The following TG variants were observed in gnomAD, a reference collection of about 807,000 sequenced individuals.
TG encodes the protein thyroglobulin, also known as thyroid hormones.
TG carries 270 observed loss-of-function variants against 324.7 expected under a neutral mutation model. The ratio of observed to expected loss-of-function variants is 0.83; its 90% CI spans 0.75 to 0.92. The LOEUF is 0.92. Among genes scored for constraint, TG ranks in the 40% least tolerant of loss-of-function variants. TG has a pLI of 0.00. For missense variants in TG, 3,591 were observed against 3,456.4 expected, an observed-to-expected ratio of 1.04 and a Z score of -0.98; for synonymous variants, 1,401 against 1,327.0, an observed-to-expected ratio of 1.06 and a Z score of -1.21.
At chr8:132,975,953 T>A (rs907883997) in intron 34 of TG, among the ~76,000 whole-genome samples, 1 of 152,228 alleles carries the variant, frequency 6.6e-6, no homozygotes, top group Non-Finnish European at 1.5e-5. Flanking sequence ...GTTTTTCAAC[T>A]TTACTGAGTG....
At position 132,976,399 on chromosome 8, in the gene TG, A is replaced by G. The variant is rs115338694; in HGVS notation, c.6199+3658A>G. Among the ~76,000 whole-genome samples the G allele has an allele frequency of 2.8e-3, 430 of 152,364 alleles. 2 individuals carry two copies. Among genetic ancestry groups the G allele is most frequent in the African/African-American group, 0.01 (416 of 41,600 alleles). On this transcript the variant is annotated intron_variant, in intron 34 of 47. Transcript: ENST00000220616. The stretch of plus-strand genomic sequence containing the variant: ...GTCCCACCCATGAGGGCTCTGCCTC[A>G]TAAAGGTTTCACCTCTCATTACTGT...
At chr8:133,061,354 C>G (rs1258787664) in intron 41 of TG, among the ~76,000 whole-genome samples, 1 of 152,174 alleles carries the variant, frequency 6.6e-6, no homozygotes, top group Non-Finnish European at 1.5e-5. Context: ...ACTAATTGAA[C>G]AGTGTTGGGT....
Position 133,063,233 on chromosome 8 carries a change from A to G in TG, c.7240-31811A>G, listed in dbSNP as rs535018672. Among the ~76,000 whole-genome samples, 193 of 121,938 alleles carry G rather than the reference A, an allele frequency of 1.6e-3. 1 individual carries two copies. The highest frequency in any genetic ancestry group is 2.8e-3 in the Non-Finnish European group (162 of 58,036). 80.0% of individuals were successfully genotyped at this position (121,938 alleles called of 152,430 possible). A position where few individuals can be genotyped will look rare whatever the true frequency, so the allele number is the denominator to read the frequency against. ...TGATTGTGCCCAGAACCCCGCCCCC[A>G]TAAGTTCCACCCCTCCAGATGCCAG... On this transcript the variant is annotated intron_variant, in intron 41 of 47. Coordinates refer to ENST00000220616, the MANE Select transcript of TG (RefSeq NM_003235.5).
intron 10 of TG, among the ~76,000 whole-genome samples, chr8:132,889,005 T>A (rs568321311): frequency 4.5e-4 from 68 of 152,362 alleles, no homozygotes; most frequent in Non-Finnish European, 6.2e-4. Context: ...TTGCACAGAA[T>A]GCTGCTAAAT....
chr8:132,871,488 T>C lies in TG; in HGVS notation c.415T>C (p.Trp139Arg), dbSNP rs752171962. The change falls in exon 4 of 48, where the codon TGG becomes CGG. Residue 139 changes from tryptophan to arginine, a missense_variant. Coordinates refer to ENST00000220616, the MANE Select transcript of TG (RefSeq NM_003235.5). ...GTGTGATGTGCAGCAGGTCCAGTGC[T>C]GGTGTGTGGACGCAGAGGGGATGGA... ...VQCDVQQVQC[W>R]CVDAEGMEVY... 6.2e-7 allele frequency: 1 copy of C among 1,614,034 alleles called. No homozygotes were observed. The highest frequency in any genetic ancestry group is 1.3e-5 in the African/African-American group (1 of 74,918).
chr8:132,981,963 T>C (rs1021758291), intron 34 of TG, among the ~76,000 whole-genome samples: 1 of 152,024 alleles, frequency 6.6e-6, no homozygotes, highest in African/African-American at 2.4e-5. Flanking sequence ...CGCAAGGACT[T>C]TGGGACCAGA....
chr8:132,978,912 G>A (rs1196993050), intron 34 of TG, among the ~76,000 whole-genome samples: 3 of 152,188 alleles, frequency 2.0e-5, no homozygotes, highest in East Asian at 1.9e-4. Flanking sequence ...GTGCAGCAGA[G>A]CACCAAAAGG....
intron 41 of TG, among the ~76,000 whole-genome samples, chr8:133,083,070 A>G (rs927783004): frequency 6.6e-6 from 1 of 152,198 alleles, no homozygotes; most frequent in Non-Finnish European, 1.5e-5. Flanking sequence ...TTGCTATAGA[A>G]ATAGTTCTGG....
intron 43 of TG, among the ~76,000 whole-genome samples, chr8:133,103,532 A>G (rs1849521719): frequency 6.6e-6 from 1 of 152,220 alleles, no homozygotes; most frequent in Non-Finnish European, 1.5e-5. Flanking sequence ...ATTGTATTTC[A>G]TGACTGCATT....
At chr8:133,122,776 C>T (rs1360594201) in intron 45 of TG, among the ~76,000 whole-genome samples, 1 of 152,144 alleles carries the variant, frequency 6.6e-6, no homozygotes, top group Non-Finnish European at 1.5e-5. Context: ...ATGTACAATA[C>T]CTGGCAGCTT....
At chr8:132,916,065 C>T (rs547127727) in intron 20 of TG, among the ~76,000 whole-genome samples, 204 of 152,248 alleles carry the variant, frequency 1.3e-3, no homozygotes, top group African/African-American at 4.6e-3. Flanking sequence ...CATGAGGAAC[C>T]GAGGGGCCTA....
intron 26 of TG, 94 bp downstream of exon 26, chr8:132,941,636 G>A (rs997343632): frequency 6.8e-7 from 1 of 1,468,660 alleles, no homozygotes; most frequent in South Asian, 1.2e-5. Flanking sequence ...TGCATGGGGA[G>A]TACAGTGTGA....
chr8:132,867,871 GC>G (rs146507875), intron 1 of TG, among the ~76,000 whole-genome samples: 2,747 of 152,238 alleles, frequency 0.018, 83 homozygotes, highest in African/African-American at 0.062. Context: ...GACTTTCGCT[GC>G]CTGAGACTTG....
At chr8:133,133,052 C>A (rs1852064700) in intron 46 of TG, among the ~76,000 whole-genome samples, 1 of 152,138 alleles carries the variant, frequency 6.6e-6, no homozygotes, top group Non-Finnish European at 1.5e-5. Flanking sequence ...TCTGACATCC[C>A]CTTTATGGGG....
intron 27 of TG, among the ~76,000 whole-genome samples, chr8:132,951,865 G>T (rs1351340955): frequency 2.0e-5 from 3 of 152,174 alleles, no homozygotes; most frequent in African/African-American, 7.2e-5. Flanking sequence ...ACTACAGCGT[G>T]AAGAACTGAT....
At chr8:132,956,427 A>T (rs1826876369) in intron 27 of TG, among the ~76,000 whole-genome samples, 1 of 152,194 alleles carries the variant, frequency 6.6e-6, no homozygotes, top group African/African-American at 2.4e-5. Context: ...AAGATCTCTG[A>T]ATACTGCAAA....
At chr8:133,062,108 G>A (rs533509746) in intron 41 of TG, among the ~76,000 whole-genome samples, 2 of 152,338 alleles carry the variant, frequency 1.3e-5, no homozygotes, top group South Asian at 2.1e-4. Context: ...AAAGTGAAGC[G>A]CAAATCCCAT....
At chr8:132,954,786 G>C (rs992259301) in intron 27 of TG, among the ~76,000 whole-genome samples, 3 of 152,250 alleles carry the variant, frequency 2.0e-5, no homozygotes, top group Admixed American at 6.5e-5. Context: ...TAAGGCATAG[G>C]GACTCAAGGG....
At chr8:133,052,630 T>C (rs908030846) in intron 41 of TG, among the ~76,000 whole-genome samples, 2 of 152,192 alleles carry the variant, frequency 1.3e-5, no homozygotes, top group Non-Finnish European at 2.9e-5. Context: ...ATTACAGTTG[T>C]GTTAAGTTTG....
Sources: allele counts gnomAD v4.1 joint callset (sites outside exome capture counted in the v4.1 genomes callset), GRCh38; gene constraint gnomAD v4.1.1; transcripts MANE v1.5; gene names NCBI Gene and HGNC (gene_info 2026-07-23, HGNC 2026-07-21).